UGP2: variants seen among roughly 807,000 people sequenced by gnomAD.
UGP2 encodes UDP-glucose pyrophosphorylase 2.
UGP2 carries 40 observed loss-of-function variants against 49.0 expected under a neutral mutation model. The observed-to-expected ratio is 0.82, with a 90% CI of 0.63 to 1.06. The LOEUF (loss-of-function observed/expected upper bound fraction) is 1.06, where lower values mean the gene tolerates loss of function less well. UGP2 is among the 50% of genes least tolerant of loss of function. The pLI, the probability that UGP2 is intolerant of heterozygous loss-of-function variation, is 0.00. For synonymous variants in UGP2, 225 were observed against 213.0 expected (o/e 1.06, Z -0.49); for missense variants, 460 against 603.5 (o/e 0.76, Z 2.49).
At chr2:63,868,392 T>A (rs183146208) in intron 3 of UGP2, among the ~76,000 whole-genome samples, 38 of 152,290 alleles carry the variant, frequency 2.5e-4, no homozygotes, top group African/African-American at 8.9e-4. Flanking sequence ...TTTTCTTAAT[T>A]TTTTGATGGT....
At chr2:63,857,593 G>A (rs1306937543) in intron 2 of UGP2, 2 of 547,932 alleles carry the variant, frequency 3.7e-6, no homozygotes, top group Non-Finnish European at 7.0e-6. Context: ...TCAAACTCCT[G>A]AGCTCAAACG....
intron 4 of UGP2, 61 bp downstream of exon 4, chr2:63,882,712 A>G: frequency 7.1e-7 from 1 of 1,412,736 alleles, no homozygotes; most frequent in South Asian, 1.9e-5. Context: ...TTAAGTTATC[A>G]TAAATGTTAT....
intron 1 of UGP2, among the ~76,000 whole-genome samples, chr2:63,850,515 A>G (rs1165742086): frequency 1.3e-5 from 2 of 152,242 alleles, no homozygotes; most frequent in Non-Finnish European, 2.9e-5. Flanking sequence ...ATTTTTCCCT[A>G]AATTAAACTA....
At chr2:63,889,183 AAG>A (rs1422028927) in intron 8 of UGP2, 4 of 152,224 alleles carry the variant, frequency 2.6e-5, no homozygotes, top group African/African-American at 7.2e-5. Context: ...ATGGATTTAA[AAG>A]AGAATGAAAA....
intron 1 of UGP2, among the ~76,000 whole-genome samples, chr2:63,847,870 C>T (rs1668769470): frequency 6.6e-6 from 1 of 152,172 alleles, no homozygotes; most frequent in East Asian, 1.9e-4. Context: ...ACGTGCAAGT[C>T]ACAGGGGATG....
chr2:63,888,258 A>G (rs1671826750), intron 8 of UGP2: 1 of 153,660 alleles, frequency 6.5e-6, no homozygotes, highest in African/African-American at 2.4e-5. Flanking sequence ...AAAGTGTTCT[A>G]GACAGGTGGA....
At chr2:63,886,044 T>G (rs544246288) in intron 6 of UGP2, among the ~76,000 whole-genome samples, 158 bp downstream of exon 6, 1 of 152,318 alleles carries the variant, frequency 6.6e-6, no homozygotes, top group South Asian at 2.1e-4. Flanking sequence ...TAATAAATAG[T>G]ATCAAAATCA....
At chr2:63,858,078 C>T in intron 3 of UGP2, 142 bp downstream of exon 3, 1 of 717,264 alleles carries the variant, frequency 1.4e-6, no homozygotes, top group Non-Finnish European at 2.3e-6. Flanking sequence ...ACCCCTCATC[C>T]TGAAACTATG....
upstream of UGP2, chr2:63,841,280 G>C (rs1671515368): frequency 6.6e-6 from 1 of 152,044 alleles, no homozygotes; most frequent in African/African-American, 2.4e-5. Context: ...GGCTTCCGGC[G>C]ACCCCCTGGA....
Position 63,886,460 on chromosome 2 carries a change from CCTATG to C in UGP2, c.994_998del (p.Leu332AspfsTer7), listed in dbSNP as rs1243392575. The C allele has an allele frequency of 6.2e-7, 1 of 1,614,040 alleles. No homozygotes were observed. Among genetic ancestry groups the C allele is most frequent in the East Asian group, 2.2e-5 (1 of 44,898 alleles). ...AGTTCAAAATATTTAATACAAACAA[CCTATG>C]GATTTCTCTTGCAGCAGTTAAAAGA... On this transcript the variant is annotated frameshift_variant, in exon 7 of 10. Coordinates refer to ENST00000337130, the MANE Select transcript of UGP2 (RefSeq NM_006759.4). LOFTEE classifies it high-confidence loss of function.
chr2:63,872,395 T>C (rs140178753), intron 3 of UGP2, among the ~76,000 whole-genome samples: 22 of 152,336 alleles, frequency 1.4e-4, no homozygotes, highest in Admixed American at 5.9e-4. Flanking sequence ...ATCAGTGAAG[T>C]AGTAATAATA....
intron 1 of UGP2, among the ~76,000 whole-genome samples, chr2:63,851,535 G>A (rs946724481): frequency 6.6e-6 from 1 of 152,094 alleles, no homozygotes; most frequent in African/African-American, 2.4e-5. Flanking sequence ...GAGTCTTTGG[G>A]GATTGAGAGA....
At chr2:63,882,414 A>T in intron 3 of UGP2, 52 bp from the exon 4 acceptor site, 1 of 1,399,388 alleles carries the variant, frequency 7.1e-7, no homozygotes, top group Middle Eastern at 1.9e-4. Context: ...GATATGCTTT[A>T]ACGTCCCTTA....
At chr2:63,871,223 C>A (rs34512058) in intron 3 of UGP2, among the ~76,000 whole-genome samples, 1 of 152,036 alleles carries the variant, frequency 6.6e-6, no homozygotes, top group Admixed American at 6.6e-5. Context: ...CTCCCCTAAT[C>A]CCCTGGCAAG....
At chr2:63,860,960 C>T (rs1165112938) in intron 3 of UGP2, among the ~76,000 whole-genome samples, 2 of 151,634 alleles carry the variant, frequency 1.3e-5, no homozygotes, top group Non-Finnish European at 2.9e-5. Context: ...CTCGTTCTTA[C>T]CTTTTGTGTT....
rs1219980666 is a variant in UGP2 at position 63,880,115 on chromosome 2, TCA to T, written c.256-2348_256-2347del. Reference sequence around the variant, plus strand: ...ATAATAGGCTACTTACAGCCATTGATCACAGTGGTCTTTCTTTCCTTCCTCTC... The same window carrying T: ...ATAATAGGCTACTTACAGCCATTGATCAGTGGTCTTTCTTTCCTTCCTCTC... On this transcript the variant is annotated intron_variant, in intron 3 of 9. Coordinates refer to ENST00000337130, the MANE Select transcript of UGP2 (RefSeq NM_006759.4). Among the ~76,000 whole-genome samples the T allele has an allele frequency of 5.9e-5, 9 of 152,236 alleles. No homozygotes were observed. In the East Asian group the frequency reaches 1.5e-3, roughly 26 times the overall value.
intron 3 of UGP2, among the ~76,000 whole-genome samples, chr2:63,863,424 T>C (rs894102889): frequency 2.0e-5 from 3 of 152,136 alleles, no homozygotes; most frequent in Non-Finnish European, 4.4e-5. Context: ...AAGTGCACAG[T>C]TGGGAGCATT....
At chr2:63,864,521 G>T (rs183031824) in intron 3 of UGP2, among the ~76,000 whole-genome samples, 139 of 152,254 alleles carry the variant, frequency 9.1e-4, no homozygotes, top group Non-Finnish European at 1.9e-3. Flanking sequence ...ATAACTCTAG[G>T]AGCTCACTGT....
rs143773488 is a variant in UGP2 at position 63,874,328 on chromosome 2, G to A, written c.256-8138G>A. On this transcript the variant is annotated intron_variant, in intron 3 of 9. Transcript: ENST00000337130. ...GAGATGGAGGGTGGGTTGGAAAGAG[G>A]TAAAGGATCATAGAGACCACTGCAA... Among the ~76,000 whole-genome samples the A allele has an allele frequency of 9.0e-4, 137 of 152,136 alleles. 1 individual carries two copies. The highest frequency in any genetic ancestry group is 3.2e-3 in the African/African-American group (135 of 41,562).
Sources: gnomAD v4.1 joint callset for allele counts (sites outside exome capture counted in the v4.1 genomes callset) on GRCh38, gnomAD v4.1.1 for gene constraint, MANE v1.5 for transcripts, NCBI Gene and HGNC (gene_info 2026-07-23, HGNC 2026-07-21) for gene names.